Variants in TRERF1 observed in about 807,000 individuals in gnomAD.
The protein encoded by TRERF1 is transcriptional regulating factor 1.
A neutral mutation model predicts 122.9 loss-of-function variants in TRERF1; 27 were observed. That is an observed-to-expected ratio of 0.22 (90% CI 0.16 to 0.30). The LOEUF (loss-of-function observed/expected upper bound fraction) is 0.30. TRERF1 is among the 10% of genes least tolerant of loss of function. The probability of loss-of-function intolerance (pLI) is 1.00; values close to 1 mark genes in which losing one functional copy is unlikely to be tolerated. For synonymous variants in TRERF1, 636 were observed against 641.7 expected, an observed-to-expected ratio of 0.99 and a Z score of 0.13; for missense variants, 1,248 against 1,560.3, an observed-to-expected ratio of 0.80 and a Z score of 3.37.
At chr6:42,320,142 C>T (rs972799776) in intron 3 of TRERF1, among the ~76,000 whole-genome samples, 10 of 152,092 alleles carry the variant, frequency 6.6e-5, no homozygotes, top group African/African-American at 2.2e-4. Context: ...CTCAAATGAT[C>T]CACCTGGCGG....
At chr6:42,260,619 A>AG (rs1777658217) in intron 8 of TRERF1, among the ~76,000 whole-genome samples, 1 of 152,210 alleles carries the variant, frequency 6.6e-6, no homozygotes, top group African/African-American at 2.4e-5. Flanking sequence ...TGTGGTTGGG[A>AG]GGGGCCACGG....
intron 13 of TRERF1, among the ~76,000 whole-genome samples, chr6:42,249,153 T>C (rs1009637061): frequency 1.3e-5 from 2 of 152,190 alleles, no homozygotes; most frequent in Admixed American, 6.5e-5. Context: ...AGAATCCGTG[T>C]GGCCCTCAGC....
At chr6:42,243,017 G>C (rs1043941753) in intron 15 of TRERF1, among the ~76,000 whole-genome samples, 5 of 152,188 alleles carry the variant, frequency 3.3e-5, no homozygotes, top group African/African-American at 9.7e-5. Context: ...GCGGGCACCA[G>C]CCCTCACCTC....
At chr6:42,391,070 T>C (rs1250091990) in intron 2 of TRERF1, among the ~76,000 whole-genome samples, 1 of 152,192 alleles carries the variant, frequency 6.6e-6, no homozygotes, top group Non-Finnish European at 1.5e-5. Flanking sequence ...AGACCCTTCC[T>C]GTTACAGAGG....
At chr6:42,394,097 T>G (rs746205285) in intron 2 of TRERF1, among the ~76,000 whole-genome samples, 3 of 152,162 alleles carry the variant, frequency 2.0e-5, no homozygotes, top group Admixed American at 6.5e-5. Context: ...AATCTGGATT[T>G]TCAAAGCCTG....
chr6:42,316,699 C>T (rs548645958), intron 3 of TRERF1, among the ~76,000 whole-genome samples: 1 of 152,268 alleles, frequency 6.6e-6, no homozygotes, highest in East Asian at 1.9e-4. Context: ...AAACGAACCC[C>T]CTCCTTGCTC....
At position 42,422,337 on chromosome 6, in the gene TRERF1, T is replaced by C. The variant is rs147323429; in HGVS notation, c.-454+28840A>G. On this transcript the variant is annotated intron_variant, in intron 2 of 17. Transcript: ENST00000372922. ...GAGTTCAAGAACAGCCTGGCCAACATGACAAAACCCTGTCTCTACAAAAAA... is the reference window on the plus strand; with the variant it reads ...GAGTTCAAGAACAGCCTGGCCAACACGACAAAACCCTGTCTCTACAAAAAA... Among the ~76,000 whole-genome samples, 2,357 of 151,960 alleles carry C rather than the reference T, an allele frequency of 0.016. 87 individuals are homozygous for C. The East Asian group carries it at 0.16, about 10-fold the overall frequency.
At chr6:42,365,174 T>C (rs1291697518) in intron 2 of TRERF1, among the ~76,000 whole-genome samples, 1 of 152,122 alleles carries the variant, frequency 6.6e-6, no homozygotes, top group East Asian at 1.9e-4. Flanking sequence ...GGCGTGGCCC[T>C]GAAACCCAGC....
In TRERF1 at chr6:42,264,736, C is replaced by T. The variant is rs142106954; in HGVS notation, c.1603G>A (p.Gly535Arg). 14 of 1,614,014 alleles carry T rather than the reference C, an allele frequency of 8.7e-6. No homozygotes were observed. Among genetic ancestry groups the T allele is most frequent in the African/African-American group, 5.3e-5 (4 of 74,924 alleles). Residue 535 changes from glycine (G) to arginine (R), a missense_variant, in exon 7 of 18, where the codon GGG becomes AGG. Physicochemically the swap from Gly to Arg is moderately radical, Grantham distance 125. Transcript: ENST00000372922. Reference sequence around the variant, plus strand: ...AGGTTGGGGGAGGCCCTCATTCCCCCGTGGGACCGCATGTGGCCATTCAGG... The same window carrying T: ...AGGTTGGGGGAGGCCCTCATTCCCCTGTGGGACCGCATGTGGCCATTCAGG...
chr6:42,295,936 G>A (rs1785031499), intron 4 of TRERF1, among the ~76,000 whole-genome samples: 1 of 152,106 alleles, frequency 6.6e-6, no homozygotes, highest in Non-Finnish European at 1.5e-5. Context: ...ATTACAAGAG[G>A]GCGTGAAAAG....
chr6:42,314,879 G>A (rs781158699), intron 3 of TRERF1, among the ~76,000 whole-genome samples: 8 of 152,204 alleles, frequency 5.3e-5, no homozygotes, highest in African/African-American at 1.9e-4. Flanking sequence ...GATTCTAAAC[G>A]TGATTTTAAA....
At chr6:42,376,136 T>C (rs1366721287) in intron 2 of TRERF1, among the ~76,000 whole-genome samples, 1 of 152,166 alleles carries the variant, frequency 6.6e-6, no homozygotes, top group African/African-American at 2.4e-5. Context: ...GAAGGGGGCC[T>C]GGCCACCCCC....
rs1781143604 is a variant in TRERF1 at position 42,276,359 on chromosome 6, A to T, written c.-258-6511T>A. Among the ~76,000 whole-genome samples the T allele has an allele frequency of 6.6e-6, 1 of 152,248 alleles. No individual in the cohort carries two copies. The highest frequency in any genetic ancestry group is 1.5e-5 in the Non-Finnish European group (1 of 68,050). ...ATTGCTTGTTTGAGGAAGAAAAACCAAAAAGATTTTCCTTTTTCTGACCCC... is the reference window on the plus strand; with the variant it reads ...ATTGCTTGTTTGAGGAAGAAAAACCTAAAAGATTTTCCTTTTTCTGACCCC... On this transcript the variant is annotated intron_variant, in intron 4 of 17. Transcript: ENST00000372922. The surrounding 1 kb of genome is among the most constrained non-coding windows in gnomAD (Gnocchi z 4.3).
intron 2 of TRERF1, among the ~76,000 whole-genome samples, chr6:42,414,087 C>A (rs1354316985): frequency 6.6e-6 from 1 of 152,108 alleles, no homozygotes; most frequent in African/African-American, 2.4e-5. Context: ...CTTTGAAAGA[C>A]AAAATCAACA....
chr6:42,256,127 T>C (rs992940815), intron 12 of TRERF1, among the ~76,000 whole-genome samples: 1 of 105,054 alleles, frequency 9.5e-6, no homozygotes, highest in Non-Finnish European at 1.8e-5. Flanking sequence ...TGAGACTCCA[T>C]CTTAAAAAAA....
At chr6:42,382,834 C>G (rs1358360782) in intron 2 of TRERF1, among the ~76,000 whole-genome samples, 1 of 151,988 alleles carries the variant, frequency 6.6e-6, no homozygotes, top group African/African-American at 2.4e-5. Flanking sequence ...TGGCCTCCAC[C>G]CACTACATGC....
At chr6:42,408,210 A>AATAAATATATAT (rs151035028) in intron 2 of TRERF1, among the ~76,000 whole-genome samples, 4 of 107,140 alleles carry the variant, frequency 3.7e-5, no homozygotes, top group Non-Finnish European at 1.8e-5. Context: ...TATATAAATA[A>AATAAATATATAT]ATATATATAT....
chr6:42,413,428 A>ATTTTTT (rs5875802), intron 2 of TRERF1, among the ~76,000 whole-genome samples: 1 of 119,058 alleles, frequency 8.4e-6, no homozygotes, highest in African/African-American at 3.4e-5. Flanking sequence ...CAGAATCTGC[A>ATTTTTT]TTTTTTTTTT....
chr6:42,280,460 C>T (rs1282471877), intron 4 of TRERF1, among the ~76,000 whole-genome samples: 1 of 152,156 alleles, frequency 6.6e-6, no homozygotes, highest in Non-Finnish European at 1.5e-5. Flanking sequence ...CTCACTTGCT[C>T]GTCTCCGGGA....
Sources: allele counts gnomAD v4.1 joint callset (sites outside exome capture counted in the v4.1 genomes callset), GRCh38; gene constraint gnomAD v4.1.1; non-coding constraint Gnocchi (gnomAD v3.1); transcripts MANE v1.5; gene names NCBI Gene and HGNC (gene_info 2026-07-23, HGNC 2026-07-21).